ADGRV1: variants seen among roughly 807,000 people sequenced by gnomAD.
ADGRV1 encodes the protein adhesion G protein-coupled receptor V1.
Under a neutral mutation model 596.2 loss-of-function variants are expected in ADGRV1, and 359 were observed. That is an observed-to-expected ratio of 0.60 (90% CI 0.55 to 0.66). The LOEUF is 0.66. ADGRV1 is among the 30% of genes least tolerant of loss of function. The pLI, the probability that ADGRV1 is intolerant of heterozygous loss-of-function variation, is 0.00. For synonymous variants in ADGRV1, 2,681 were observed against 2,679.2 expected (o/e 1.00, Z -0.02); for missense variants, 7,274 against 7,575.6 (o/e 0.96, Z 1.48).
At chr5:90,992,424 G>A (rs925008667) in intron 85 of ADGRV1, among the ~76,000 whole-genome samples, 2 of 152,156 alleles carry the variant, frequency 1.3e-5, no homozygotes, top group Non-Finnish European at 2.9e-5. Context: ...TCCAACTAAT[G>A]TTTTGAGTTA....
At chr5:90,933,940 G>GT in intron 83 of ADGRV1, among the ~76,000 whole-genome samples, 1 of 152,138 alleles carries the variant, frequency 6.6e-6, no homozygotes. Context: ...GGGGACTCTT[G>GT]TAACATTGAG....
intron 50 of ADGRV1, among the ~76,000 whole-genome samples, chr5:90,731,377 G>A (rs1752521310): frequency 6.6e-6 from 1 of 152,158 alleles, no homozygotes; most frequent in Admixed American, 6.5e-5. Context: ...CTCCCACCAG[G>A]TCCCTCCCCC....
In ADGRV1 at chr5:90,644,878, T is replaced by G. The variant is rs1264121695; in HGVS notation, c.2898+9T>G. 6.5e-7 allele frequency: 1 copy of G among 1,540,402 alleles called. No homozygotes were observed. The highest frequency in any genetic ancestry group is 8.7e-7 in the Non-Finnish European group (1 of 1,143,086). On this transcript the variant is annotated intron_variant, in intron 15 of 89. Coordinates refer to ENST00000405460, the MANE Select transcript of ADGRV1 (RefSeq NM_032119.4). ...ACTCCCTTCCAGATGAGGTAAATAT[T>G]GCATATAACTTTCTGCCTTACTTGT...
intron 69 of ADGRV1, among the ~76,000 whole-genome samples, chr5:90,790,241 G>C (rs1055795068): frequency 6.6e-6 from 1 of 152,150 alleles, no homozygotes; most frequent in Admixed American, 6.6e-5. Context: ...TTAAGAGGTT[G>C]TCTTTGCATG....
rs552804652 is a variant in ADGRV1 at position 90,909,840 on chromosome 5, T to G, written c.17856+45983T>G. Reference sequence around the variant, plus strand: ...TGTTTCTATCTTTAAAAAGTTTTTTTCTAAGAAATACAGTTATTTAAAATA... The same window carrying G: ...TGTTTCTATCTTTAAAAAGTTTTTTGCTAAGAAATACAGTTATTTAAAATA... On this transcript the variant is annotated intron_variant, in intron 83 of 89. Transcript: ENST00000405460. Among the ~76,000 whole-genome samples, 6 of 152,200 alleles carry G rather than the reference T, an allele frequency of 3.9e-5. No individual in the cohort carries two copies. The South Asian group carries it at 1.2e-3, about 32-fold the overall frequency.
intron 1 of ADGRV1, among the ~76,000 whole-genome samples, chr5:90,605,023 C>T (rs908895313): frequency 3.9e-5 from 6 of 152,102 alleles, no homozygotes; most frequent in Non-Finnish European, 5.9e-5. Context: ...ATAAACAGCT[C>T]GAATGGCTTT....
At position 90,833,721 on chromosome 5, in the gene ADGRV1, C is replaced by T. The variant is rs113947055; in HGVS notation, c.16611+4535C>T. ...GGTTCACTGTCGGCATATAGAAATGCTACTGATTTTTGTATGTTGATTTTA... is the reference window on the plus strand; with the variant it reads ...GGTTCACTGTCGGCATATAGAAATGTTACTGATTTTTGTATGTTGATTTTA... On this transcript the variant is annotated intron_variant, in intron 77 of 89. Coordinates refer to ENST00000405460, the MANE Select transcript of ADGRV1 (RefSeq NM_032119.4). 5.0e-3 allele frequency among the ~76,000 whole-genome samples: 767 copies of T among 152,116 alleles called. 10 individuals are homozygous for T. Among genetic ancestry groups the T allele is most frequent in the African/African-American group, 0.018 (729 of 41,488 alleles).
At chr5:90,813,191 C>T (rs1379184454) in intron 74 of ADGRV1, among the ~76,000 whole-genome samples, 1 of 16,274 alleles carries the variant, frequency 6.1e-5, no homozygotes, top group Non-Finnish European at 3.2e-4. Context: ...CATCCTCCTT[C>T]TCATTCTAAT....
chr5:91,070,890 AT>A (rs1361071015), intron 85 of ADGRV1, among the ~76,000 whole-genome samples: 1 of 152,214 alleles, frequency 6.6e-6, no homozygotes, highest in Non-Finnish European at 1.5e-5. Flanking sequence ...ACTGTCAGTC[AT>A]TCAAAAAACA....
At chr5:90,885,103 T>C (rs963393648) in intron 83 of ADGRV1, among the ~76,000 whole-genome samples, 2 of 152,200 alleles carry the variant, frequency 1.3e-5, no homozygotes, top group African/African-American at 4.8e-5. Context: ...GTTTTGTGCC[T>C]GATAACCTTT....
chr5:90,868,472 T>C (rs1292537672), intron 83 of ADGRV1, among the ~76,000 whole-genome samples: 1 of 151,994 alleles, frequency 6.6e-6, no homozygotes, highest in African/African-American at 2.4e-5. Context: ...ACAAGGCCTT[T>C]ATTCTGGTCA....
In ADGRV1 at chr5:90,842,618, T is replaced by C. The variant is rs553645329; in HGVS notation, c.17019+1633T>C. Among the ~76,000 whole-genome samples the C allele has an allele frequency of 1.4e-3, 216 of 152,086 alleles. 2 individuals are homozygous for C. The highest frequency in any genetic ancestry group is 0.01 in the Middle Eastern group (3 of 294). On this transcript the variant is annotated intron_variant, in intron 78 of 89. Coordinates refer to ENST00000405460, the MANE Select transcript of ADGRV1 (RefSeq NM_032119.4). ...CTGTAGTCCCAGCTATTTGGGAGGC[T>C]GAGGCAGGAGAATCGCTTGAACCCA...
At chr5:91,035,868 T>TATATATATAATATATATA in intron 85 of ADGRV1, among the ~76,000 whole-genome samples, 1 of 121,566 alleles carries the variant, frequency 8.2e-6, no homozygotes, top group South Asian at 2.7e-4. Context: ...ATATTATATA[T>TATATATATAATATATATA]ATATATATAT....
intron 1 of ADGRV1, among the ~76,000 whole-genome samples, chr5:90,560,445 A>G (rs773017863): frequency 6.6e-6 from 1 of 152,140 alleles, no homozygotes; most frequent in Non-Finnish European, 1.5e-5. Context: ...CATAAATTGA[A>G]TAGTAGTATA....
chr5:90,799,621 G>A (rs528332687), intron 70 of ADGRV1, among the ~76,000 whole-genome samples: 12 of 152,216 alleles, frequency 7.9e-5, no homozygotes, highest in African/African-American at 2.9e-4. Context: ...GCATTGCCAA[G>A]ACAATCCTAA....
At chr5:91,100,951 A>G (rs925092081) in intron 86 of ADGRV1, among the ~76,000 whole-genome samples, 3 of 152,226 alleles carry the variant, frequency 2.0e-5, no homozygotes, top group African/African-American at 7.2e-5. Flanking sequence ...ACAAAAGTCA[A>G]GGACACACAG....
chr5:91,072,426 T>C (rs200654609), intron 85 of ADGRV1, 21 bp from the exon 86 acceptor site: 3 of 1,607,124 alleles, frequency 1.9e-6, no homozygotes, highest in East Asian at 4.5e-5. Context: ...TCTGAGTTAC[T>C]TCTTCTCATT....
At chr5:90,600,757 A>C (rs1218577437) in intron 1 of ADGRV1, among the ~76,000 whole-genome samples, 2 of 152,134 alleles carry the variant, frequency 1.3e-5, no homozygotes, top group African/African-American at 4.8e-5. Context: ...TAAAATGTTT[A>C]TTTTTCTTCA....
At chr5:90,985,083 C>A (rs921198083) in intron 84 of ADGRV1, among the ~76,000 whole-genome samples, 21 of 152,090 alleles carry the variant, frequency 1.4e-4, no homozygotes, top group African/African-American at 4.8e-4. Context: ...TAAATCAGAG[C>A]AAATTAAGGC....
Sources: allele counts gnomAD v4.1 joint callset (sites outside exome capture counted in the v4.1 genomes callset), GRCh38; gene constraint gnomAD v4.1.1; transcripts MANE v1.5; gene names NCBI Gene and HGNC (gene_info 2026-07-23, HGNC 2026-07-21).